The following YPEL2 variants were observed in gnomAD, a reference collection of about 807,000 sequenced individuals.
YPEL2 encodes protein yippee-like 2.
YPEL2 carries 2 observed loss-of-function variants against 19.1 expected under a neutral mutation model. That is an observed-to-expected ratio of 0.10 (90% CI 0.04 to 0.33). The LOEUF (loss-of-function observed/expected upper bound fraction) is 0.33. Ranked by LOEUF, YPEL2 falls within the 10% of genes least tolerant of loss-of-function variation. The pLI is 1.00. For missense variants in YPEL2, 66 were observed against 140.7 expected (o/e 0.47, Z 2.68); for synonymous variants, 52 against 50.0 (o/e 1.04, Z -0.17).
chr17:59,338,866 A>G (rs141278830), intron 1 of YPEL2, among the ~76,000 whole-genome samples: 18 of 152,190 alleles, frequency 1.2e-4, no homozygotes, highest in African/African-American at 4.1e-4. Flanking sequence ...AATTTTCAGG[A>G]TGGGGAATTT....
chr17:59,349,221 G>T (rs1289497237), intron 1 of YPEL2, among the ~76,000 whole-genome samples: 7 of 148,248 alleles, frequency 4.7e-5, no homozygotes, highest in Non-Finnish European at 1.0e-4. Flanking sequence ...CCTAAGAATT[G>T]ACTCAAAGAA....
chr17:59,342,004 T>G (rs559816724), intron 1 of YPEL2, among the ~76,000 whole-genome samples: 67 of 152,346 alleles, frequency 4.4e-4, no homozygotes, highest in African/African-American at 1.6e-3. Context: ...AAAGTGCCTC[T>G]TCCCTTTTTT....
At chr17:59,340,023 C>T (rs1235420763) in intron 1 of YPEL2, among the ~76,000 whole-genome samples, 1 of 151,950 alleles carries the variant, frequency 6.6e-6, no homozygotes, top group Non-Finnish European at 1.5e-5. Flanking sequence ...ATTAACCAGA[C>T]ATGGTCTCAT....
chr17:59,384,825 A>G (rs937884398), intron 2 of YPEL2, among the ~76,000 whole-genome samples: 1 of 152,174 alleles, frequency 6.6e-6, no homozygotes. Flanking sequence ...TCAGTGATCT[A>G]GGAGTGAGAA....
Position 59,401,564 on chromosome 17 carries a change from G to A in YPEL2, c.*4374G>A, listed in dbSNP as rs2048071345. 6.6e-6 allele frequency: 1 copy of A among 152,526 alleles called. No individual in the cohort carries two copies. The highest frequency in any genetic ancestry group is 1.5e-5 in the Non-Finnish European group (1 of 68,030). 9.4% of individuals were successfully genotyped at this position (152,526 alleles called of 1,614,324 possible). A position where few individuals can be genotyped will look rare whatever the true frequency, so the allele number is the denominator to read the frequency against. On this transcript the variant is annotated 3_prime_UTR_variant, in exon 5 of 5. Transcript: ENST00000312655. Reference sequence around the variant, plus strand: ...TGTTTTCTTTGGTGGCATTTTTCAGGTCACTTTGCTTCTATAACAAAGGTA... The same window carrying A: ...TGTTTTCTTTGGTGGCATTTTTCAGATCACTTTGCTTCTATAACAAAGGTA...
intron 1 of YPEL2, among the ~76,000 whole-genome samples, chr17:59,336,889 C>A (rs1355075410): frequency 6.6e-6 from 1 of 152,184 alleles, no homozygotes; most frequent in Non-Finnish European, 1.5e-5. Flanking sequence ...CCAACACCCA[C>A]CTGGAAGAAG....
chr17:59,385,601 A>G (rs565934001), intron 2 of YPEL2, among the ~76,000 whole-genome samples: 7 of 152,244 alleles, frequency 4.6e-5, no homozygotes, highest in African/African-American at 1.4e-4. Flanking sequence ...AGAAAATACA[A>G]ATTATAGTGA....
intron 1 of YPEL2, among the ~76,000 whole-genome samples, chr17:59,341,661 G>GAA (rs576016706): frequency 3.0e-4 from 45 of 149,606 alleles, no homozygotes; most frequent in African/African-American, 1.1e-3. Context: ...AACGTCTCAG[G>GAA]AAAAAAAAAA....
intron 1 of YPEL2, among the ~76,000 whole-genome samples, chr17:59,346,929 C>T (rs1215682399): frequency 6.6e-6 from 1 of 152,104 alleles, no homozygotes; most frequent in Non-Finnish European, 1.5e-5. Flanking sequence ...CTGAGGGGAC[C>T]TACAAGGAGT....
Position 59,353,619 on chromosome 17 carries a change from T to C in YPEL2, c.117+93T>C, listed in dbSNP as rs2047798138. On this transcript the variant is annotated intron_variant, in intron 2 of 4. Coordinates refer to ENST00000312655, the MANE Select transcript of YPEL2 (RefSeq NM_001005404.4). The surrounding 1 kb of genome is among the most constrained non-coding windows in gnomAD (Gnocchi z 4.8). ...AGGTTTACAAGCTCTCAAGAATATT[T>C]GTACTCCATCTTTGTACAGGGAGGG... 1 of 971,338 alleles carries C rather than the reference T, an allele frequency of 1.0e-6. No individual in the cohort carries two copies. The highest frequency in any genetic ancestry group is 1.6e-5 in the African/African-American group (1 of 62,714). The allele number at this position is 971,338 out of a possible 1,614,324, so 60.2% of individuals were successfully genotyped here.
At chr17:59,337,712 G>C (rs1326904614) in intron 1 of YPEL2, among the ~76,000 whole-genome samples, 2 of 152,088 alleles carry the variant, frequency 1.3e-5, no homozygotes, top group Admixed American at 6.5e-5. Context: ...TTTTTCTAGT[G>C]TTAACCTTGT....
chr17:59,394,752 G>A (rs1397031069), intron 4 of YPEL2, among the ~76,000 whole-genome samples: 1 of 152,224 alleles, frequency 6.6e-6, no homozygotes, highest in African/African-American at 2.4e-5. Context: ...GGGAGGTGGA[G>A]GTTGTAGCGA....
In YPEL2 at chr17:59,388,349, G is replaced by A. The variant is rs753342559; in HGVS notation, c.140G>A (p.Arg47Gln). ...CAGTCATTCCAAGGAAGTCAAGGACGAGCATACCTCTTTAACTCAGTGTGA... is the reference window on the plus strand; with the variant it reads ...CAGTCATTCCAAGGAAGTCAAGGACAAGCATACCTCTTTAACTCAGTGTGA... ...ISKSFQGSQG[R>Q]AYLFNSVVNV... Residue 47 changes from arginine (R) to glutamine (Q), a missense_variant, in exon 3 of 5, where the codon CGA (arginine) becomes CAA (glutamine). Arg to Gln is a conservative substitution (Grantham distance 43, BLOSUM62 1). Transcript: ENST00000312655. 6.8e-6 allele frequency: 11 copies of A among 1,614,158 alleles called. No individual in the cohort carries two copies. Among genetic ancestry groups the A allele is most frequent in the South Asian group, 1.1e-5 (1 of 91,078 alleles).
intron 4 of YPEL2, among the ~76,000 whole-genome samples, chr17:59,394,161 TCCCGGACGGGGCGGCTG>T (rs2048024307): frequency 6.6e-6 from 1 of 150,540 alleles, no homozygotes; most frequent in African/African-American, 2.5e-5. Flanking sequence ...CCGACCTCCC[TCCCGGACGGGGCGGCTG>T]GCCGGGCGGG....
At chr17:59,375,028 G>T (rs993508552) in intron 2 of YPEL2, among the ~76,000 whole-genome samples, 4 of 152,170 alleles carry the variant, frequency 2.6e-5, no homozygotes, top group African/African-American at 9.7e-5. Flanking sequence ...TAAGGAGAAA[G>T]AGCTCAGCTC....
intron 1 of YPEL2, among the ~76,000 whole-genome samples, chr17:59,339,316 C>A (rs185886962): frequency 6.6e-6 from 1 of 152,300 alleles, no homozygotes; most frequent in Non-Finnish European, 1.5e-5. Context: ...GCTCGCGGGG[C>A]TCTTTTTTTC....
intron 1 of YPEL2, among the ~76,000 whole-genome samples, chr17:59,344,888 C>G (rs2047748413): frequency 1.3e-5 from 2 of 152,212 alleles, no homozygotes; most frequent in Admixed American, 1.3e-4. Flanking sequence ...TTCCATCCCT[C>G]TAGAGCAGTG....
intron 1 of YPEL2, among the ~76,000 whole-genome samples, chr17:59,332,042 C>T (rs1232295689): frequency 1.3e-5 from 2 of 151,918 alleles, no homozygotes; most frequent in Non-Finnish European, 1.5e-5. Context: ...ACAAACACTG[C>T]CGGGCCCGCG....
intron 4 of YPEL2, among the ~76,000 whole-genome samples, chr17:59,392,507 GTTTTTTT>G (rs3063116): frequency 9.7e-6 from 1 of 103,176 alleles, no homozygotes; most frequent in Non-Finnish European, 1.9e-5. Context: ...CTCAGGGCAC[GTTTTTTT>G]TTTTTTTTTT....
Sources: gnomAD v4.1 joint callset for allele counts (sites outside exome capture counted in the v4.1 genomes callset) on GRCh38, gnomAD v4.1.1 for gene constraint, Gnocchi (gnomAD v3.1) non-coding constraint, MANE v1.5 for transcripts, NCBI Gene and HGNC (gene_info 2026-07-23, HGNC 2026-07-21) for gene names.